The following CNTN5 variants were observed in gnomAD, a reference collection of about 807,000 sequenced individuals.
CNTN5 encodes the protein contactin 5.
CNTN5 carries 77 observed loss-of-function variants against 129.1 expected under a neutral mutation model. The ratio of observed to expected loss-of-function variants is 0.60; its 90% confidence interval spans 0.50 to 0.72. The LOEUF (loss-of-function observed/expected upper bound fraction) is 0.72. Among genes scored for constraint, CNTN5 ranks in the 30% least tolerant of loss-of-function variants. CNTN5 has a pLI of 0.00. For missense variants in CNTN5, 1,478 were observed against 1,328.8 expected, an observed-to-expected ratio of 1.11 and a Z score of -1.75; for synonymous variants, 509 against 465.6, an observed-to-expected ratio of 1.09 and a Z score of -1.20.
At chr11:100,308,331 T>A (rs1209015431) in intron 20 of CNTN5, 28 bp from the exon 21 acceptor site, 17 of 1,596,920 alleles carry the variant, frequency 1.1e-5, no homozygotes, top group Non-Finnish European at 1.4e-5. Context: ...AAACTTTTTA[T>A]AATTGTGGTT....
At chr11:99,105,151 C>T (rs1277358320) in intron 1 of CNTN5, among the ~76,000 whole-genome samples, 1 of 152,080 alleles carries the variant, frequency 6.6e-6, no homozygotes, top group Admixed American at 6.6e-5. Flanking sequence ...TATCCTTAGA[C>T]GTGAGTGTAG....
intron 1 of CNTN5, among the ~76,000 whole-genome samples, chr11:99,097,098 C>T (rs1866500765): frequency 6.6e-6 from 1 of 151,886 alleles, no homozygotes; most frequent in Non-Finnish European, 1.5e-5. Flanking sequence ...ACACTGAGTT[C>T]ACTTTTCTTA....
intron 8 of CNTN5, among the ~76,000 whole-genome samples, chr11:99,997,999 G>A (rs11222274): frequency 0.081 from 12,294 of 152,102 alleles, 842 homozygotes; most frequent in East Asian, 0.31. Context: ...TTGATGGGAC[G>A]TATCTCAAAA....
At chr11:99,633,330 A>G (rs1951433525) in intron 3 of CNTN5, among the ~76,000 whole-genome samples, 1 of 152,200 alleles carries the variant, frequency 6.6e-6, no homozygotes, top group African/African-American at 2.4e-5. Context: ...TAGTAATGGC[A>G]TATTTAGAAA....
chr11:99,170,088 A>AT, intron 1 of CNTN5, among the ~76,000 whole-genome samples: 1 of 152,050 alleles, frequency 6.6e-6, no homozygotes, highest in Non-Finnish European at 1.5e-5. Flanking sequence ...TTTATATTTT[A>AT]TTTGTTTATT....
chr11:99,956,751 G>T (rs537252996), intron 7 of CNTN5, 55 bp from the exon 8 acceptor site: 6 of 1,319,590 alleles, frequency 4.5e-6, no homozygotes, highest in East Asian at 2.3e-5. Context: ...TTTGAGCTTT[G>T]TCTGTTAATG....
intron 2 of CNTN5, among the ~76,000 whole-genome samples, chr11:99,420,909 G>T (rs1942858822): frequency 6.6e-6 from 1 of 152,104 alleles, no homozygotes; most frequent in Non-Finnish European, 1.5e-5. Context: ...CTGTCCATGT[G>T]AAGGCAGCAC....
chr11:100,266,198 G>T (rs1322560053), intron 17 of CNTN5, among the ~76,000 whole-genome samples: 1 of 151,982 alleles, frequency 6.6e-6, no homozygotes, highest in East Asian at 1.9e-4. Flanking sequence ...ATTGAGACGA[G>T]CCTGGACAAC....
chr11:99,820,742 C>A (rs952341243), intron 4 of CNTN5, among the ~76,000 whole-genome samples: 1 of 152,246 alleles, frequency 6.6e-6, no homozygotes, highest in Non-Finnish European at 1.5e-5. Flanking sequence ...CAAGGTCACA[C>A]TGCTAATAGG....
In CNTN5 at chr11:99,916,075, G is replaced by C. The variant is rs200160904; in HGVS notation, c.599G>C (p.Arg200Pro). 6 of 1,611,666 alleles carry C rather than the reference G, an allele frequency of 3.7e-6. No homozygotes were observed. In the African/African-American group the frequency reaches 5.3e-5, roughly 14 times the overall value. ...ACAGATCTGGGAAATTTTAGTGGCCGGACAAGAAGTGCAGTCTCTGTGAGG... is the reference window on the plus strand; with the variant it reads ...ACAGATCTGGGAAATTTTAGTGGCCCGACAAGAAGTGCAGTCTCTGTGAGG... ...QFAYLGNFSG[R>P]TRSAVSVREG... is the part of the protein sequence containing the mutation. Residue 200 changes from arginine to proline, a missense_variant, in exon 7 of 25, where the codon CGG (arginine) becomes CCG (proline). Coordinates refer to ENST00000524871, the MANE Select transcript of CNTN5 (RefSeq NM_014361.4).
intron 3 of CNTN5, among the ~76,000 whole-genome samples, chr11:99,667,071 C>T (rs1216943707): frequency 6.6e-6 from 1 of 151,672 alleles, no homozygotes; most frequent in East Asian, 1.9e-4. Flanking sequence ...GGATGTGACA[C>T]ATTTAGAGTA....
intron 10 of CNTN5, among the ~76,000 whole-genome samples, chr11:100,069,178 G>T (rs11222607): frequency 0.22 from 33,968 of 151,882 alleles, 4,237 homozygotes; most frequent in East Asian, 0.42. Context: ...TTTGAGACAG[G>T]TTCTCACTCT....
intron 3 of CNTN5, among the ~76,000 whole-genome samples, chr11:99,578,367 T>C (rs897009861): frequency 6.7e-6 from 1 of 148,976 alleles, no homozygotes; most frequent in African/African-American, 2.5e-5. Context: ...TTGGGTCAAA[T>C]GGTATTTCTA....
intron 6 of CNTN5, among the ~76,000 whole-genome samples, chr11:99,848,607 A>G (rs998749976): frequency 6.6e-6 from 1 of 152,156 alleles, no homozygotes; most frequent in African/African-American, 2.4e-5. Flanking sequence ...AATGATTGCA[A>G]AACTTTTCAC....
At chr11:100,081,873 C>T (rs569155272) in intron 13 of CNTN5, among the ~76,000 whole-genome samples, 4 of 152,224 alleles carry the variant, frequency 2.6e-5, no homozygotes, top group African/African-American at 7.2e-5. Context: ...AGCTGTGTAC[C>T]TAACTGACCT....
At chr11:99,746,011 G>T (rs1397481770) in intron 3 of CNTN5, among the ~76,000 whole-genome samples, 1 of 152,100 alleles carries the variant, frequency 6.6e-6, no homozygotes, top group Non-Finnish European at 1.5e-5. Flanking sequence ...AACACTAAAA[G>T]GATTTTGAAA....
intron 13 of CNTN5, among the ~76,000 whole-genome samples, chr11:100,085,785 C>G (rs1308774512): frequency 6.6e-6 from 1 of 152,050 alleles, no homozygotes; most frequent in Non-Finnish European, 1.5e-5. Flanking sequence ...ATGAGAGCGT[C>G]CTAATTCTGT....
At chr11:99,784,191 A>G (rs1012680875) in intron 3 of CNTN5, among the ~76,000 whole-genome samples, 3 of 152,002 alleles carry the variant, frequency 2.0e-5, no homozygotes, top group African/African-American at 7.2e-5. Flanking sequence ...CATGTGCAGA[A>G]TGCGCAGGTT....
intron 17 of CNTN5, among the ~76,000 whole-genome samples, chr11:100,268,973 A>C (rs1194558595): frequency 1.3e-5 from 2 of 152,194 alleles, no homozygotes; most frequent in South Asian, 2.1e-4. Flanking sequence ...GAAGAGGTTC[A>C]TTAAAAATAT....
Sources: gnomAD v4.1 joint callset for allele counts (sites outside exome capture counted in the v4.1 genomes callset) on GRCh38, gnomAD v4.1.1 for gene constraint, MANE v1.5 for transcripts, NCBI Gene and HGNC (gene_info 2026-07-23, HGNC 2026-07-21) for gene names.